The following CDH10 variants were observed in gnomAD, a reference collection of about 807,000 sequenced individuals.
CDH10 encodes the protein cadherin-10.
In CDH10, 30 loss-of-function variants were observed where a neutral mutation model predicts 73.1. The observed-to-expected ratio is 0.41, with a 90% CI of 0.31 to 0.56. CDH10 has a LOEUF of 0.56. Ranked by LOEUF, CDH10 falls within the 20% of genes least tolerant of loss-of-function variation. The probability of loss-of-function intolerance (pLI) is 0.27; values close to 1 mark genes in which losing one functional copy is unlikely to be tolerated. For missense variants in CDH10, 815 were observed against 973.7 expected, an observed-to-expected ratio of 0.84 and a Z score of 2.17; for synonymous variants, 345 against 348.2, an observed-to-expected ratio of 0.99 and a Z score of 0.10.
intron 5 of CDH10, among the ~76,000 whole-genome samples, chr5:24,513,176 A>G (rs1742985566): frequency 6.6e-6 from 1 of 151,644 alleles, no homozygotes; most frequent in Non-Finnish European, 1.5e-5. Flanking sequence ...CTGCCACCAC[A>G]CCAGGCTAAT....
chr5:24,525,383 T>A (rs185731852), intron 5 of CDH10, among the ~76,000 whole-genome samples: 58 of 152,202 alleles, frequency 3.8e-4, no homozygotes, highest in African/African-American at 1.3e-3. Context: ...TTAATTTTTT[T>A]ATTTGCTTTG....
chr5:24,489,322 AG>A (rs1382709318), intron 11 of CDH10, among the ~76,000 whole-genome samples: 2 of 152,138 alleles, frequency 1.3e-5, no homozygotes, highest in Non-Finnish European at 2.9e-5. Flanking sequence ...AACCTGTGAG[AG>A]AAGGCAAACA....
chr5:24,553,202 C>T (rs1744614937), intron 2 of CDH10, among the ~76,000 whole-genome samples: 1 of 145,574 alleles, frequency 6.9e-6, no homozygotes, highest in South Asian at 2.3e-4. Context: ...TGTATAAGAG[C>T]CACGGATTTA....
chr5:24,579,575 A>G (rs911383177), intron 2 of CDH10, among the ~76,000 whole-genome samples: 4 of 152,100 alleles, frequency 2.6e-5, no homozygotes, highest in Non-Finnish European at 5.9e-5. Flanking sequence ...ACAAGCATCA[A>G]GCACACTTAT....
chr5:24,637,491 TTA>T (rs1747903268), intron 1 of CDH10, among the ~76,000 whole-genome samples: 1 of 151,884 alleles, frequency 6.6e-6, no homozygotes. Context: ...TTACATTTAA[TTA>T]TAAATATCTC....
chr5:24,518,867 AT>A (rs1420722926), intron 5 of CDH10, among the ~76,000 whole-genome samples: 1 of 112,516 alleles, frequency 8.9e-6, no homozygotes, highest in Non-Finnish European at 1.9e-5. Context: ...ACTAATTTTG[AT>A]TTTTTGACAT....
chr5:24,524,187 T>C (rs1266368861), intron 5 of CDH10, among the ~76,000 whole-genome samples: 1 of 152,132 alleles, frequency 6.6e-6, no homozygotes, highest in African/African-American at 2.4e-5. Context: ...AGGACAAGAT[T>C]TATTGGGTCT....
intron 2 of CDH10, among the ~76,000 whole-genome samples, chr5:24,550,570 T>G (rs1744507371): frequency 6.6e-6 from 1 of 152,194 alleles, no homozygotes; most frequent in Non-Finnish European, 1.5e-5. Context: ...TTCTCTATCT[T>G]TTTCTCCCTT....
In CDH10 at chr5:24,487,549, G is replaced by A; in HGVS notation, c.*114C>T. The A allele has an allele frequency of 2.0e-6, 2 of 981,636 alleles. No individual in the cohort carries two copies. The highest frequency in any genetic ancestry group is 2.4e-5 in the East Asian group (1 of 41,558). The allele number at this position is 981,636 out of a possible 1,614,324, so 60.8% of individuals were successfully genotyped here. Reference sequence around the variant, plus strand: ...AATGAACAAATTAAGAAGTAAATGAGAAAAAAAATTGTGCTGACTGGCAGG... The same window carrying A: ...AATGAACAAATTAAGAAGTAAATGAAAAAAAAAATTGTGCTGACTGGCAGG... On this transcript the variant is annotated 3_prime_UTR_variant, in exon 12 of 12. Coordinates refer to ENST00000264463, the MANE Select transcript of CDH10 (RefSeq NM_006727.5).
rs778814582 is a variant in CDH10 at position 24,511,553 on chromosome 5, G to C, written c.815-39C>G. ...AGAAAAGAAGAGAGAGACAGAGAGAGAGAGAGAGAGAGAGAGAGAGAGAGA... is the reference window on the plus strand; with the variant it reads ...AGAAAAGAAGAGAGAGACAGAGAGACAGAGAGAGAGAGAGAGAGAGAGAGA... On this transcript the variant is annotated intron_variant, in intron 5 of 11. Coordinates refer to ENST00000264463, the MANE Select transcript of CDH10 (RefSeq NM_006727.5). The C allele has an allele frequency of 1.5e-3, 276 of 184,850 alleles. 1 individual carries two copies. The highest frequency in any genetic ancestry group is 1.0e-2 in the African/African-American group (176 of 17,642). The allele number at this position is 184,850 out of a possible 1,614,324, so 11.5% of individuals were successfully genotyped here.
chr5:24,528,271 C>G (rs969799776), intron 5 of CDH10, among the ~76,000 whole-genome samples: 2 of 151,606 alleles, frequency 1.3e-5, no homozygotes, highest in African/African-American at 4.8e-5. Flanking sequence ...AATTTTATTC[C>G]CTTCTTTCTC....
chr5:24,632,053 TC>T (rs1408305372), intron 1 of CDH10, among the ~76,000 whole-genome samples: 1 of 151,974 alleles, frequency 6.6e-6, no homozygotes, highest in Non-Finnish European at 1.5e-5. Context: ...ACTATGAAAA[TC>T]TCCCTTATCA....
chr5:24,500,497 G>C (rs1430814138), intron 8 of CDH10, among the ~76,000 whole-genome samples: 1 of 152,168 alleles, frequency 6.6e-6, no homozygotes, highest in African/African-American at 2.4e-5. Flanking sequence ...CCACTTGTTC[G>C]TGTACCACGA....
intron 1 of CDH10, among the ~76,000 whole-genome samples, chr5:24,615,681 C>T (rs992682049): frequency 3.9e-5 from 6 of 152,138 alleles, no homozygotes; most frequent in Non-Finnish European, 7.3e-5. Flanking sequence ...CAAATAATAC[C>T]AACAGAGCTC....
At chr5:24,534,575 A>G (rs1030902830) in intron 5 of CDH10, among the ~76,000 whole-genome samples, 1 of 152,136 alleles carries the variant, frequency 6.6e-6, no homozygotes, top group Non-Finnish European at 1.5e-5. Flanking sequence ...CAGGAATGCA[A>G]AATGTTATAC....
intron 2 of CDH10, among the ~76,000 whole-genome samples, chr5:24,570,045 C>T (rs1265556171): frequency 6.6e-6 from 1 of 152,072 alleles, no homozygotes; most frequent in Non-Finnish European, 1.5e-5. Context: ...GGATTACAGG[C>T]GTGAGCCACT....
Position 24,505,147 on chromosome 5 carries a change from T to C in CDH10, c.1358A>G (p.Gln453Arg). The change falls in exon 8 of 12, where the codon CAG becomes CGG. Residue 453 changes from glutamine to arginine, a missense_variant. Physicochemically the swap from Gln to Arg is conservative, Grantham distance 43. Around this residue, in one of 3 missense-constraint regions of CDH10, gnomAD observed 516 missense variants for 636.6 expected, o/e 0.81. Coordinates refer to ENST00000264463, the MANE Select transcript of CDH10 (RefSeq NM_006727.5). ...AGCAATAACAGTAAGATTATGCCAC[T>C]GAGATAGTTCACGGTCAAGAGGTTT... ...TSKPLDRELS[Q>R]WHNLTVIAAE... 6.2e-7 allele frequency: 1 copy of C among 1,610,064 alleles called. No individual in the cohort carries two copies. The highest frequency in any genetic ancestry group is 8.5e-7 in the Non-Finnish European group (1 of 1,176,552).
At chr5:24,525,227 A>C (rs569733618) in intron 5 of CDH10, among the ~76,000 whole-genome samples, 1 of 152,044 alleles carries the variant, frequency 6.6e-6, no homozygotes, top group Non-Finnish European at 1.5e-5. Flanking sequence ...GATAAAAACC[A>C]ATAAAGTTCA....
chr5:24,604,496 T>C (rs1009147022), intron 1 of CDH10, among the ~76,000 whole-genome samples: 2 of 151,886 alleles, frequency 1.3e-5, no homozygotes, highest in East Asian at 1.9e-4. Context: ...TCATGACACA[T>C]AAAAGAAAAA....
Sources: gnomAD v4.1 joint callset for allele counts (sites outside exome capture counted in the v4.1 genomes callset) on GRCh38, gnomAD v4.1.1 for gene constraint, gnomAD v4.1.1 regional missense constraint, MANE v1.5 for transcripts, NCBI Gene and HGNC (gene_info 2026-07-23, HGNC 2026-07-21) for gene names.